NRXN3: variants seen among roughly 807,000 people sequenced by gnomAD.
NRXN3 encodes neurexin III.
Under a neutral mutation model 137.6 loss-of-function variants are expected in NRXN3, and 32 were observed. The ratio of observed to expected loss-of-function variants is 0.23; its 90% CI spans 0.18 to 0.31. NRXN3 has a LOEUF of 0.31. Among genes scored for constraint, NRXN3 ranks in the 10% least tolerant of loss-of-function variants. NRXN3 has a pLI of 1.00. For synonymous variants in NRXN3, 798 were observed against 784.5 expected (o/e 1.02, Z -0.29); for missense variants, 1,574 against 2,062.5 (o/e 0.76, Z 4.59).
At chr14:78,377,849 T>C (rs528950971) in intron 4 of NRXN3, among the ~76,000 whole-genome samples, 1 of 152,334 alleles carries the variant, frequency 6.6e-6, no homozygotes, top group African/African-American at 2.4e-5. Flanking sequence ...AGCTTCAACA[T>C]ATGAATTGGG....
intron 10 of NRXN3, among the ~76,000 whole-genome samples, 197 bp from the exon 11 acceptor site, chr14:78,957,045 T>A (rs1039004345): frequency 2.0e-5 from 3 of 152,226 alleles, no homozygotes; most frequent in Admixed American, 6.5e-5. Context: ...TTATCCTTTA[T>A]GTTTGAATTG....
At chr14:78,671,206 A>G (rs1203079541) in intron 6 of NRXN3, among the ~76,000 whole-genome samples, 2 of 152,212 alleles carry the variant, frequency 1.3e-5, no homozygotes, top group Non-Finnish European at 2.9e-5. Context: ...GTCAGTGCCA[A>G]AGAGAGGACC....
intron 15 of NRXN3, among the ~76,000 whole-genome samples, chr14:79,227,990 G>A (rs1476942198): frequency 2.0e-5 from 3 of 152,010 alleles, no homozygotes; most frequent in Non-Finnish European, 4.4e-5. Context: ...TTCAACTAAC[G>A]ATTTAAATAG....
At chr14:79,559,496 G>C (rs1448011673) in intron 16 of NRXN3, among the ~76,000 whole-genome samples, 1 of 152,078 alleles carries the variant, frequency 6.6e-6, no homozygotes, top group African/African-American at 2.4e-5. Flanking sequence ...AATCCAGTTT[G>C]GGCAAGGTGT....
At chr14:78,322,096 T>C (rs2079446181) in intron 4 of NRXN3, among the ~76,000 whole-genome samples, 1 of 152,016 alleles carries the variant, frequency 6.6e-6, no homozygotes. Context: ...TTTTTTTTAA[T>C]CAGCTCTTAA....
At chr14:79,450,599 C>G (rs746788303) in intron 15 of NRXN3, among the ~76,000 whole-genome samples, 39 of 152,212 alleles carry the variant, frequency 2.6e-4, no homozygotes, top group Non-Finnish European at 4.7e-4. Context: ...TGGCTCACGT[C>G]TGTAATCCCA....
chr14:79,074,182 C>A (rs974887835), intron 15 of NRXN3, among the ~76,000 whole-genome samples: 1 of 152,184 alleles, frequency 6.6e-6, no homozygotes, highest in South Asian at 2.1e-4. Flanking sequence ...CACATTTCTA[C>A]AAACTAGCTC....
At chr14:79,517,666 A>AT (rs35508093) in intron 16 of NRXN3, among the ~76,000 whole-genome samples, 1 of 151,468 alleles carries the variant, frequency 6.6e-6, no homozygotes, top group African/African-American at 2.4e-5. Context: ...CAAATTTAAT[A>AT]TTTTTTTTCA....
chr14:79,187,409 C>A (rs983093478), intron 15 of NRXN3, among the ~76,000 whole-genome samples: 1 of 152,066 alleles, frequency 6.6e-6, no homozygotes, highest in Non-Finnish European at 1.5e-5. Context: ...TTGTTATCTC[C>A]ATTTTAGAGA....
At chr14:79,147,846 C>A (rs2059438149) in intron 15 of NRXN3, among the ~76,000 whole-genome samples, 1 of 152,082 alleles carries the variant, frequency 6.6e-6, no homozygotes, top group African/African-American at 2.4e-5. Context: ...TCACCTAAAT[C>A]ATTTCCCAAG....
intron 16 of NRXN3, among the ~76,000 whole-genome samples, chr14:79,565,840 C>T (rs552189767): frequency 1.2e-3 from 179 of 152,062 alleles, no homozygotes; most frequent in African/African-American, 4.2e-3. Flanking sequence ...TAATTAGAGT[C>T]TTATAAAAAT....
chr14:78,679,959 C>G (rs2098056252), intron 6 of NRXN3, among the ~76,000 whole-genome samples: 2 of 152,018 alleles, frequency 1.3e-5, no homozygotes, highest in Admixed American at 1.3e-4. Context: ...TTCTATTGCT[C>G]TTTGGTTTTG....
chr14:78,948,186 A>T (rs1322000777), intron 10 of NRXN3, among the ~76,000 whole-genome samples: 1 of 152,226 alleles, frequency 6.6e-6, no homozygotes, highest in Admixed American at 6.5e-5. Context: ...AAGAAACACC[A>T]GTATGAGTGT....
intron 10 of NRXN3, among the ~76,000 whole-genome samples, chr14:78,931,122 A>C (rs2099320497): frequency 6.6e-6 from 1 of 152,168 alleles, no homozygotes; most frequent in South Asian, 2.1e-4. Flanking sequence ...CCTTTCATTG[A>C]TTCACAACAT....
intron 4 of NRXN3, among the ~76,000 whole-genome samples, chr14:78,435,038 C>G (rs2094014762): frequency 6.6e-6 from 1 of 152,154 alleles, no homozygotes; most frequent in African/African-American, 2.4e-5. Flanking sequence ...GACTTGGTAC[C>G]AGGTAGAGGA....
chr14:79,369,850 C>T (rs1408119524), intron 15 of NRXN3, among the ~76,000 whole-genome samples: 1 of 152,122 alleles, frequency 6.6e-6, no homozygotes, highest in Non-Finnish European at 1.5e-5. Context: ...TGATAATGTA[C>T]GCCAGGAACT....
At chr14:79,175,770 A>G (rs1222225818) in intron 15 of NRXN3, among the ~76,000 whole-genome samples, 1 of 152,236 alleles carries the variant, frequency 6.6e-6, no homozygotes, top group Non-Finnish European at 1.5e-5. Context: ...CCAAGCCCAG[A>G]GCTTCGGCTT....
At chr14:78,635,040 G>A (rs548208272) in intron 4 of NRXN3, among the ~76,000 whole-genome samples, 29 of 152,230 alleles carry the variant, frequency 1.9e-4, no homozygotes, top group African/African-American at 7.0e-4. Flanking sequence ...GGATCAGAAA[G>A]CATTTGGCTC....
chr14:79,244,937 AG>A (rs1268121202), intron 15 of NRXN3, among the ~76,000 whole-genome samples: 1 of 152,134 alleles, frequency 6.6e-6, no homozygotes, highest in East Asian at 1.9e-4. Flanking sequence ...AAAGGATTAG[AG>A]GTTTCAACTG....
Sources: allele counts gnomAD v4.1 joint callset (sites outside exome capture counted in the v4.1 genomes callset), GRCh38; gene constraint gnomAD v4.1.1; transcripts MANE v1.5; gene names NCBI Gene and HGNC (gene_info 2026-07-23, HGNC 2026-07-21).